Variants in EP400 observed in about 807,000 individuals in gnomAD.
EP400 encodes E1A-binding protein p400.
A neutral mutation model predicts 354.1 loss-of-function variants in EP400; 105 were observed. That is an observed-to-expected ratio of 0.30 (90% CI 0.25 to 0.35). EP400 has a LOEUF of 0.35. EP400 is among the 10% of genes least tolerant of loss of function. EP400 has a pLI of 1.00. For missense variants in EP400, 3,280 were observed against 4,121.0 expected (o/e 0.80, Z 5.59); for synonymous variants, 1,646 against 1,716.9 (o/e 0.96, Z 1.02).
In EP400 at chr12:132,014,021, T is replaced by C. The variant is rs1174993995; in HGVS notation, c.3923+108T>C. On this transcript the variant is annotated intron_variant, in intron 19 of 52. Transcript: ENST00000389561. ...AGCTCCTTTCCGCAAGGATTGGGTGTCTGGAGCTGGAGACCGAGGCACCCT... is the reference window on the plus strand; with the variant it reads ...AGCTCCTTTCCGCAAGGATTGGGTGCCTGGAGCTGGAGACCGAGGCACCCT... 6.1e-6 allele frequency: 9 copies of C among 1,484,132 alleles called. No individual in the cohort carries two copies. The African/African-American group carries it at 1.1e-4, about 19-fold the overall frequency. The allele number at this position is 1,484,132 out of a possible 1,614,324, so 91.9% of individuals were successfully genotyped here. A position where few individuals can be genotyped will look rare whatever the true frequency, so the allele number is the denominator to read the frequency against.
intron 25 of EP400, among the ~76,000 whole-genome samples, chr12:132,026,751 C>T (rs1053475108): frequency 2.0e-5 from 3 of 152,168 alleles, no homozygotes; most frequent in African/African-American, 4.8e-5. Flanking sequence ...CACCCCCACC[C>T]CCAAGTGCTG....
intron 22 of EP400, 25 bp from the exon 23 acceptor site, chr12:132,021,054 C>T: frequency 1.3e-6 from 2 of 1,566,474 alleles, no homozygotes; most frequent in Non-Finnish European, 1.7e-6. Context: ...AACAGCTTTG[C>T]ACAAACAAAC....
At chr12:132,035,176 T>C (rs1894652560) in intron 30 of EP400, among the ~76,000 whole-genome samples, 1 of 152,282 alleles carries the variant, frequency 6.6e-6, no homozygotes, top group Non-Finnish European at 1.5e-5. Context: ...AGGACCAGTT[T>C]AATGCACGAT....
At chr12:131,954,521 T>TG (rs932036161) in intron 1 of EP400, among the ~76,000 whole-genome samples, 1 of 152,056 alleles carries the variant, frequency 6.6e-6, no homozygotes, top group Non-Finnish European at 1.5e-5. Flanking sequence ...GGTTAGGAGT[T>TG]GGAGACCAGT....
intron 11 of EP400, among the ~76,000 whole-genome samples, chr12:131,993,037 A>G (rs1232408715): frequency 6.6e-6 from 1 of 152,212 alleles, no homozygotes; most frequent in Non-Finnish European, 1.5e-5. Flanking sequence ...GACAGAAACA[A>G]AACAACAGTG....
rs1283977293 is a variant in EP400 at position 131,949,992 on chromosome 12, C to T, written c.-80C>T. On this transcript the variant is annotated 5_prime_UTR_variant, in exon 1 of 53. Coordinates refer to ENST00000389561, the MANE Select transcript of EP400 (RefSeq NM_015409.5). ...GAGCGGCTGCGGCGCGGCTTCCATCCTCCCGCCCTCCTGACGCGGCCGGAG... is the reference window on the plus strand; with the variant it reads ...GAGCGGCTGCGGCGCGGCTTCCATCTTCCCGCCCTCCTGACGCGGCCGGAG... 2 of 151,822 alleles carry T rather than the reference C, an allele frequency of 1.3e-5. No homozygotes were observed. The highest frequency in any genetic ancestry group is 4.8e-5 in the African/African-American group (2 of 41,418). 9.4% of individuals were successfully genotyped at this position (151,822 alleles called of 1,614,324 possible).
intron 51 of EP400, among the ~76,000 whole-genome samples, chr12:132,071,761 C>T (rs1323884680): frequency 1.3e-5 from 2 of 152,216 alleles, no homozygotes. Context: ...ACTTGCTCCT[C>T]TGCACCTGTG....
intron 24 of EP400, 117 bp downstream of exon 24, chr12:132,024,058 G>A (rs1245882592): frequency 8.7e-6 from 10 of 1,148,196 alleles, no homozygotes; most frequent in East Asian, 2.9e-5. Flanking sequence ...CCCTGTGTCC[G>A]ATGATGCATC....
At chr12:131,991,035 G>A (rs528594099) in intron 9 of EP400, among the ~76,000 whole-genome samples, 41 of 152,276 alleles carry the variant, frequency 2.7e-4, no homozygotes, top group African/African-American at 7.9e-4. Context: ...GCTGGGTGAC[G>A]CCTTCCTTTG....
rs1293219631 is a variant in EP400, at chr12:132,013,236, C to T, written c.3611+58C>T. ...CTTTGCTGTTGATGTAGAAGATTCT[C>T]TTGAAGAAATCTGCATAATTGCAGA... On this transcript the variant is annotated intron_variant, in intron 17 of 52. Coordinates refer to ENST00000389561, the MANE Select transcript of EP400 (RefSeq NM_015409.5). The surrounding 1 kb of genome is among the most constrained non-coding windows in gnomAD (Gnocchi z 4.5). 35 of 1,543,778 alleles carry T rather than the reference C, an allele frequency of 2.3e-5. No individual in the cohort carries two copies. The highest frequency in any genetic ancestry group is 3.1e-5 in the Non-Finnish European group (35 of 1,141,842).
chr12:132,050,341 C>G lies in EP400; in HGVS notation c.7219C>G (p.Leu2407Val), dbSNP rs1488729643. 3 of 1,614,164 alleles carry G rather than the reference C, an allele frequency of 1.9e-6. No individual in the cohort carries two copies. The highest frequency in any genetic ancestry group is 2.5e-6 in the Non-Finnish European group (3 of 1,180,026). Residue 2407 changes from leucine (L) to valine (V), a missense_variant, in exon 40 of 53, where the codon CTC becomes GTC. Leu to Val is a conservative substitution (Grantham distance 32). Transcript: ENST00000389561. The surrounding 1 kb of genome is among the most constrained non-coding windows in gnomAD (Gnocchi z 4.8). ...ATTGCAGAGTAAAAACAACCGTCCT[C>G]TCCGTACGAGCCAGATCTATGCCCA... ...EEGKSKNNRP[L>V]RTSQIYAQDE...
chr12:131,963,574 G>A (rs769016818), intron 2 of EP400: 7 of 1,598,398 alleles, frequency 4.4e-6, no homozygotes, highest in Admixed American at 1.7e-5. Flanking sequence ...TGGGACTCCC[G>A]TTGCTATAGC....
rs1459894448 is a variant in EP400 at position 131,960,976 on chromosome 12, A to T, written c.357A>T (p.Ser119=). The change falls in exon 2 of 53, where the codon TCA becomes TCT. Residue 119 remains serine (S), a synonymous_variant. Transcript: ENST00000389561. ...QPRRFEHGSP[S]YIQVTSPLSQ... ...GGCGGTTTGAGCATGGGTCTCCATC[A>T]TACATTCAGGTCACGTCCCCCTTGT... 1 of 1,609,238 alleles carries T rather than the reference A, an allele frequency of 6.2e-7. No homozygotes were observed. The highest frequency in any genetic ancestry group is 1.7e-5 in the Admixed American group (1 of 59,498).
rs1389947063 is a variant in EP400 at position 132,025,444 on chromosome 12, C to T, written c.4856-202C>T. On this transcript the variant is annotated intron_variant, in intron 24 of 52. Transcript: ENST00000389561. The surrounding 1 kb of genome is among the most constrained non-coding windows in gnomAD (Gnocchi z 4.1). ...CCTTTTCTTGACATGGAGCAAGATACCTTGTCTCTTAGTGTGTCGTCATCC... is the reference window on the plus strand; with the variant it reads ...CCTTTTCTTGACATGGAGCAAGATATCTTGTCTCTTAGTGTGTCGTCATCC... Among the ~76,000 whole-genome samples the T allele has an allele frequency of 1.3e-5, 2 of 152,184 alleles. No individual in the cohort carries two copies. The highest frequency in any genetic ancestry group is 6.5e-5 in the Admixed American group (1 of 15,280).
intron 2 of EP400, among the ~76,000 whole-genome samples, chr12:131,979,139 C>T (rs1254548358): frequency 1.3e-5 from 2 of 151,684 alleles, no homozygotes; most frequent in African/African-American, 4.8e-5. Context: ...ATGGCTTGAA[C>T]CTGGGAGGCA....
chr12:131,954,119 CAAG>C (rs1176798599), intron 1 of EP400, among the ~76,000 whole-genome samples: 1 of 151,788 alleles, frequency 6.6e-6, no homozygotes, highest in African/African-American at 2.4e-5. Flanking sequence ...TCTTAAAAAA[CAAG>C]AGAAAATTTT....
intron 3 of EP400, 130 bp downstream of exon 3, chr12:131,979,923 C>A: frequency 1.6e-6 from 1 of 642,316 alleles, no homozygotes; most frequent in Non-Finnish European, 2.5e-6. Context: ...ATTAACCTGT[C>A]TTACAGTGAT....
Position 132,025,534 on chromosome 12 carries a change from G to T in EP400, c.4856-112G>T. 1 of 1,265,452 alleles carries T rather than the reference G, an allele frequency of 7.9e-7. No individual in the cohort carries two copies. The highest frequency in any genetic ancestry group is 1.1e-6 in the Non-Finnish European group (1 of 943,126). The allele number at this position is 1,265,452 out of a possible 1,614,324, so 78.4% of individuals were successfully genotyped here. A position where few individuals can be genotyped will look rare whatever the true frequency, so the allele number is the denominator to read the frequency against. On this transcript the variant is annotated intron_variant, in intron 24 of 52. Transcript: ENST00000389561. The surrounding 1 kb of genome is among the most constrained non-coding windows in gnomAD (Gnocchi z 4.1). ...AACTTTGCATTGATTTTTTTGTGTA[G>T]ATTTGATTTTCAGTTTGTCAACTTA...
chr12:132,008,271 C>T (rs1350734538), intron 15 of EP400, among the ~76,000 whole-genome samples: 2 of 152,178 alleles, frequency 1.3e-5, no homozygotes, highest in Non-Finnish European at 2.9e-5. Flanking sequence ...TAACAGTTCC[C>T]TTCTAAGCTG....
Sources: gnomAD v4.1 joint callset for allele counts (sites outside exome capture counted in the v4.1 genomes callset) on GRCh38, gnomAD v4.1.1 for gene constraint, Gnocchi (gnomAD v3.1) non-coding constraint, MANE v1.5 for transcripts, NCBI Gene and HGNC (gene_info 2026-07-23, HGNC 2026-07-21) for gene names.